Variants in FAF1 observed in about 807,000 individuals in gnomAD.
FAF1 encodes the protein Fas associated factor 1.
FAF1 carries 25 observed loss-of-function variants against 92.5 expected under a neutral mutation model. The observed-to-expected ratio is 0.27, with a 90% confidence interval of 0.20 to 0.38. The LOEUF (loss-of-function observed/expected upper bound fraction) is 0.38, where lower values mean the gene tolerates loss of function less well. Among genes scored for constraint, FAF1 ranks in the 10% least tolerant of loss-of-function variants. The pLI is 1.00. For missense variants in FAF1, 636 were observed against 793.3 expected, an observed-to-expected ratio of 0.80 and a Z score of 2.38; for synonymous variants, 234 against 273.2, an observed-to-expected ratio of 0.86 and a Z score of 1.42.
At chr1:50,493,999 G>A (rs1050535354) in intron 15 of FAF1, among the ~76,000 whole-genome samples, 5 of 152,232 alleles carry the variant, frequency 3.3e-5, no homozygotes, top group Admixed American at 6.5e-5. Flanking sequence ...ATCAAATACA[G>A]GGATCTTGGC....
At chr1:50,582,550 T>C in intron 12 of FAF1, 68 bp downstream of exon 12, 1 of 957,196 alleles carries the variant, frequency 1.0e-6, no homozygotes, top group Non-Finnish European at 1.7e-6. Context: ...CATTTAAGCA[T>C]TGCCTCAGCC....
chr1:50,498,516 T>C (rs1436195692), intron 15 of FAF1, among the ~76,000 whole-genome samples: 1 of 152,084 alleles, frequency 6.6e-6, no homozygotes, highest in Non-Finnish European at 1.5e-5. Flanking sequence ...ATCCAGAATA[T>C]ATAATAAACT....
intron 6 of FAF1, among the ~76,000 whole-genome samples, chr1:50,722,656 A>G (rs923118748): frequency 2.0e-5 from 3 of 151,946 alleles, no homozygotes; most frequent in Non-Finnish European, 2.9e-5. Flanking sequence ...CAAAAAAAAA[A>G]AAAAAAAAGC....
At chr1:50,778,832 C>T (rs1327904084) in intron 4 of FAF1, among the ~76,000 whole-genome samples, 4 of 150,646 alleles carry the variant, frequency 2.7e-5, no homozygotes, top group African/African-American at 1.0e-4. Flanking sequence ...AAAAACAAAA[C>T]ACACAGACAC....
chr1:50,945,232 G>T (rs1441777248), intron 1 of FAF1, among the ~76,000 whole-genome samples: 1 of 152,160 alleles, frequency 6.6e-6, no homozygotes, highest in East Asian at 1.9e-4. Context: ...AACACAGATT[G>T]GTTTCTAGGG....
intron 3 of FAF1, among the ~76,000 whole-genome samples, chr1:50,799,390 A>T (rs1359375729): frequency 4.6e-5 from 7 of 152,206 alleles, no homozygotes; most frequent in African/African-American, 9.6e-5. Context: ...ATTCAAAAAA[A>T]AGTTTCTTTC....
At chr1:50,530,542 A>G in intron 15 of FAF1, among the ~76,000 whole-genome samples, 1 of 152,058 alleles carries the variant, frequency 6.6e-6, no homozygotes, top group Non-Finnish European at 1.5e-5. Context: ...CAAAAAGAAT[A>G]GAAAGAATGA....
intron 1 of FAF1, among the ~76,000 whole-genome samples, chr1:50,906,618 G>C (rs1644841036): frequency 6.6e-6 from 1 of 152,194 alleles, no homozygotes; most frequent in South Asian, 2.1e-4. Context: ...TGGATTCCTA[G>C]GTATTTTGTT....
At chr1:50,692,241 C>CTGTGTGTGTG (rs59187392) in intron 7 of FAF1, among the ~76,000 whole-genome samples, 2,681 of 129,016 alleles carry the variant, frequency 0.021, 38 homozygotes, top group Admixed American at 0.024. Context: ...GAAGTATTTA[C>CTGTGTGTGTG]TGTGTGTGTG....
intron 7 of FAF1, among the ~76,000 whole-genome samples, chr1:50,694,071 A>G (rs1657077382): frequency 7.3e-6 from 1 of 137,868 alleles, no homozygotes; most frequent in South Asian, 2.1e-4. Flanking sequence ...TATGACATAT[A>G]CATGACATAT....
rs751345904 is a variant in FAF1 at position 50,733,606 on chromosome 1, T to TTC, written c.551+5255_551+5256dup. Among the ~76,000 whole-genome samples the TTC allele has an allele frequency of 3.2e-3, 489 of 152,078 alleles. 4 individuals are homozygous for TTC. Among genetic ancestry groups the TTC allele is most frequent in the Non-Finnish European group, 5.1e-3 (348 of 67,968 alleles). ...ATAAAAAGATGAAGGGAAACCAGAGTTCTCTCTCTCTCCTCTCTCTCTCTG... is the reference window on the plus strand; with the variant it reads ...ATAAAAAGATGAAGGGAAACCAGAGTTCTCTCTCTCTCTCCTCTCTCTCTCTG... On this transcript the variant is annotated intron_variant, in intron 6 of 18. Coordinates refer to ENST00000396153, the MANE Select transcript of FAF1 (RefSeq NM_007051.3).
chr1:50,687,510 G>A (rs1263211214), intron 7 of FAF1, among the ~76,000 whole-genome samples: 1 of 152,134 alleles, frequency 6.6e-6, no homozygotes, highest in Non-Finnish European at 1.5e-5. Context: ...AGCACTTTGG[G>A]AGACTGAGGC....
chr1:50,751,094 T>C (rs773192637), intron 4 of FAF1, among the ~76,000 whole-genome samples: 2 of 141,178 alleles, frequency 1.4e-5, no homozygotes, highest in Non-Finnish European at 3.0e-5. Flanking sequence ...TACATCCCCA[T>C]ATTAGTATAG....
At chr1:50,503,535 G>C (rs1033111447) in intron 15 of FAF1, among the ~76,000 whole-genome samples, 6 of 151,458 alleles carry the variant, frequency 4.0e-5, no homozygotes, top group Non-Finnish European at 8.8e-5. Flanking sequence ...GACTCACTTG[G>C]GCCCAAGAGT....
At chr1:50,839,185 A>G (rs1644236762) in intron 2 of FAF1, among the ~76,000 whole-genome samples, 1 of 152,132 alleles carries the variant, frequency 6.6e-6, no homozygotes, top group African/African-American at 2.4e-5. Flanking sequence ...CAAGAAAAGC[A>G]GAAAAAAAAA....
chr1:50,550,583 C>T (rs901004280), intron 13 of FAF1, among the ~76,000 whole-genome samples: 2 of 152,068 alleles, frequency 1.3e-5, no homozygotes, highest in Non-Finnish European at 2.9e-5. Context: ...TAGGCTCTTC[C>T]TCTAAACTTT....
chr1:50,521,247 G>C (rs1225983169), intron 15 of FAF1, among the ~76,000 whole-genome samples: 1 of 152,050 alleles, frequency 6.6e-6, no homozygotes, highest in Non-Finnish European at 1.5e-5. Flanking sequence ...AGTAAACAAG[G>C]TAAAGGTACA....
intron 12 of FAF1, among the ~76,000 whole-genome samples, chr1:50,576,485 G>C (rs1650740378): frequency 6.6e-6 from 1 of 152,164 alleles, no homozygotes; most frequent in Non-Finnish European, 1.5e-5. Context: ...CCCTGCCATT[G>C]AGATTTTTAT....
At chr1:50,917,603 AGGAAAGGAAAAG>A (rs1557588467) in intron 1 of FAF1, among the ~76,000 whole-genome samples, 32 of 141,970 alleles carry the variant, frequency 2.3e-4, no homozygotes, top group South Asian at 2.2e-3. Context: ...GAAAGGAAAA[AGGAAAGGAAAAG>A]GGAAAGGAAA....
Sources: allele counts gnomAD v4.1 joint callset (sites outside exome capture counted in the v4.1 genomes callset), GRCh38; gene constraint gnomAD v4.1.1; transcripts MANE v1.5; gene names NCBI Gene and HGNC (gene_info 2026-07-23, HGNC 2026-07-21).